The following PDE6C variants were observed in gnomAD, a reference collection of about 807,000 sequenced individuals.
The protein encoded by PDE6C is cone cGMP-specific 3',5'-cyclic phosphodiesterase subunit alpha'.
In PDE6C, 75 loss-of-function variants were observed where a neutral mutation model predicts 113.1. The ratio of observed to expected loss-of-function variants is 0.66; its 90% CI spans 0.55 to 0.80. PDE6C has a LOEUF of 0.80. PDE6C is among the 30% of genes least tolerant of loss of function. The probability of loss-of-function intolerance (pLI) is 0.00; values close to 1 mark genes in which losing one functional copy is unlikely to be tolerated. For synonymous variants in PDE6C, 375 were observed against 363.7 expected (o/e 1.03, Z -0.35); for missense variants, 912 against 1,038.6 (o/e 0.88, Z 1.67).
At chr10:93,633,449 C>G (rs941605885) in intron 8 of PDE6C, among the ~76,000 whole-genome samples, 1 of 128,264 alleles carries the variant, frequency 7.8e-6, no homozygotes, top group Non-Finnish European at 1.6e-5. Context: ...CTGGGTGACA[C>G]AGTGAGACCC....
At chr10:93,650,681 C>G (rs898834210) in intron 15 of PDE6C, among the ~76,000 whole-genome samples, 8 of 152,124 alleles carry the variant, frequency 5.3e-5, no homozygotes, top group African/African-American at 1.9e-4. Context: ...TGATGGTGTC[C>G]TTATCACAAG....
chr10:93,652,447 A>G (rs563526549), intron 15 of PDE6C, among the ~76,000 whole-genome samples: 4 of 152,338 alleles, frequency 2.6e-5, no homozygotes, highest in South Asian at 4.1e-4. Flanking sequence ...TTAGATAAAA[A>G]TGAAAATGAG....
chr10:93,629,643 G>C (rs568013626), intron 8 of PDE6C, among the ~76,000 whole-genome samples: 1 of 152,244 alleles, frequency 6.6e-6, no homozygotes, highest in East Asian at 1.9e-4. Context: ...GGTGGGAGAT[G>C]GTTTTGGGAT....
At chr10:93,636,232 G>C (rs1250910903) in intron 10 of PDE6C, among the ~76,000 whole-genome samples, 2 of 152,220 alleles carry the variant, frequency 1.3e-5, no homozygotes, top group East Asian at 1.9e-4. Context: ...ATTGGCCAAA[G>C]AAAGCCACAT....
At chr10:93,663,427 A>T (rs1286499307) in intron 21 of PDE6C, among the ~76,000 whole-genome samples, 4 of 152,206 alleles carry the variant, frequency 2.6e-5, no homozygotes, top group Admixed American at 6.5e-5. Context: ...AGGCTTCTTC[A>T]TCTTGCTAGA....
chr10:93,620,443 TGG>T (rs1454505502), intron 1 of PDE6C, among the ~76,000 whole-genome samples, 187 bp from the exon 2 acceptor site: 3 of 152,170 alleles, frequency 2.0e-5, no homozygotes, highest in African/African-American at 7.2e-5. Context: ...TATTCTGAAA[TGG>T]GCAATTCCAT....
At chr10:93,619,221 T>C (rs759795713) in intron 1 of PDE6C, among the ~76,000 whole-genome samples, 3 of 152,152 alleles carry the variant, frequency 2.0e-5, no homozygotes, top group Non-Finnish European at 4.4e-5. Flanking sequence ...GCCAGTGGAT[T>C]AGAATTATCT....
At chr10:93,646,101 A>G in intron 15 of PDE6C, 54 bp downstream of exon 15, 1 of 1,019,268 alleles carries the variant, frequency 9.8e-7, no homozygotes, top group Non-Finnish European at 1.6e-6. Context: ...TCAAAGCACT[A>G]ACCCACAGAA....
At chr10:93,615,043 G>A (rs1278080961) in intron 1 of PDE6C, among the ~76,000 whole-genome samples, 1 of 152,246 alleles carries the variant, frequency 6.6e-6, no homozygotes. Context: ...TGTAATCCCA[G>A]CATTTTGGGA....
chr10:93,629,421 C>A, intron 8 of PDE6C, 116 bp downstream of exon 8: 1 of 809,530 alleles, frequency 1.2e-6, no homozygotes, highest in Non-Finnish European at 2.2e-6. Context: ...CACAGGCACA[C>A]ACGGGTCCAT....
intron 14 of PDE6C, 126 bp downstream of exon 14, chr10:93,641,155 G>C (rs956652165): frequency 3.0e-6 from 2 of 667,412 alleles, no homozygotes; most frequent in Admixed American, 2.3e-5. Flanking sequence ...GAAATTCCAG[G>C]GCTGGATTCT....
Position 93,613,135 on chromosome 10 carries a change from C to A in PDE6C, c.410C>A (p.Pro137Gln), listed in dbSNP as rs761255161. 6 of 1,614,140 alleles carry A rather than the reference C, an allele frequency of 3.7e-6. No homozygotes were observed. The East Asian group carries it at 1.3e-4, about 36-fold the overall frequency. The change falls in exon 1 of 22, where the codon CCA becomes CAA. Residue 137 changes from proline (P) to glutamine (Q), a missense_variant. Physicochemically the swap from Pro to Gln is moderately conservative, Grantham distance 76. Coordinates refer to ENST00000371447, the MANE Select transcript of PDE6C (RefSeq NM_006204.4). The part of the protein sequence containing the change: ...LVGPDKEVVF[P>Q]LDIGIVGWAA... ...GGCCCTGACAAAGAAGTTGTGTTTC[C>A]ATTGGACATTGGGATAGTGGGTTGG...
intron 15 of PDE6C, among the ~76,000 whole-genome samples, chr10:93,650,086 T>C (rs1273648718): frequency 6.6e-6 from 1 of 152,218 alleles, no homozygotes; most frequent in Non-Finnish European, 1.5e-5. Context: ...TGAAATGTTT[T>C]CAGTTGCTAT....
At chr10:93,615,704 GCT>G (rs1219712366) in intron 1 of PDE6C, among the ~76,000 whole-genome samples, 1 of 152,200 alleles carries the variant, frequency 6.6e-6, no homozygotes, top group Non-Finnish European at 1.5e-5. Flanking sequence ...TTTTTAAAAA[GCT>G]CCCCCAGCTA....
chr10:93,616,652 C>CTTTT (rs11418985), intron 1 of PDE6C, among the ~76,000 whole-genome samples: 56 of 118,446 alleles, frequency 4.7e-4, no homozygotes, highest in Non-Finnish European at 5.7e-4. Flanking sequence ...GGCAGGAAGA[C>CTTTT]TTTTTTTTTT....
Position 93,655,765 on chromosome 10 carries a change from A to G in PDE6C, c.1941A>G (p.Leu647=), listed in dbSNP as rs945208093. ...TGTGAATTTTCATCTTACAGAGTTT[A>G]AACATCTTCCAGAACCTAAATAAGC... is the stretch of plus-strand genomic sequence containing the variant. ...YSKTLLQDES[L]NIFQNLNKRQ... is the part of the protein sequence containing the mutation. The change falls in exon 16 of 22, where the codon TTA becomes TTG. Residue 647 remains leucine, a synonymous_variant. Coordinates refer to ENST00000371447, the MANE Select transcript of PDE6C (RefSeq NM_006204.4). The G allele has an allele frequency of 6.3e-7, 1 of 1,575,268 alleles. No individual in the cohort carries two copies. Among genetic ancestry groups the G allele is most frequent in the Non-Finnish European group, 8.7e-7 (1 of 1,144,752 alleles).
intron 15 of PDE6C, among the ~76,000 whole-genome samples, chr10:93,649,127 A>G (rs1347239476): frequency 6.6e-6 from 1 of 152,174 alleles, no homozygotes; most frequent in Non-Finnish European, 1.5e-5. Flanking sequence ...TCATAGTTCT[A>G]TCGCCATTTT....
intron 14 of PDE6C, among the ~76,000 whole-genome samples, chr10:93,643,288 C>A (rs964655740): frequency 1.3e-5 from 2 of 152,170 alleles, no homozygotes; most frequent in Admixed American, 1.3e-4. Context: ...GGTTTTCTTT[C>A]ATCATTCCTC....
intron 1 of PDE6C, among the ~76,000 whole-genome samples, chr10:93,618,790 G>A (rs650058): frequency 0.71 from 107,628 of 152,072 alleles, 38,687 homozygotes; most frequent in African/African-American, 0.8. Context: ...TTTGAGCTCT[G>A]TGAGTTCTAT....
Sources: gnomAD v4.1 joint callset for allele counts (sites outside exome capture counted in the v4.1 genomes callset) on GRCh38, gnomAD v4.1.1 for gene constraint, MANE v1.5 for transcripts, NCBI Gene and HGNC (gene_info 2026-07-23, HGNC 2026-07-21) for gene names.